The following PATL1 variants were observed in gnomAD, a reference collection of about 807,000 sequenced individuals.
PATL1 encodes the protein PAT1 homolog 1, processing body mRNA decay factor.
In PATL1, 32 loss-of-function variants were observed where a neutral mutation model predicts 100.6. The observed-to-expected ratio is 0.32, with a 90% CI of 0.24 to 0.43. The LOEUF (loss-of-function observed/expected upper bound fraction) is 0.43. PATL1 is among the 20% of genes least tolerant of loss of function. The pLI is 1.00. For missense variants in PATL1, 747 were observed against 949.9 expected (o/e 0.79, Z 2.81); for synonymous variants, 332 against 330.0 (o/e 1.01, Z -0.07).
chr11:59,666,052 C>A (rs762587050), intron 2 of PATL1, among the ~76,000 whole-genome samples: 1 of 152,012 alleles, frequency 6.6e-6, no homozygotes, highest in Non-Finnish European at 1.5e-5. Context: ...CTTTGGGAGG[C>A]CGAGATGGGC....
chr11:59,657,447 C>A, intron 5 of PATL1, 83 bp downstream of exon 5: 5 of 1,295,876 alleles, frequency 3.9e-6, no homozygotes, highest in Non-Finnish European at 5.2e-6. Context: ...AATTTCCACC[C>A]TCCACCCAAC....
Position 59,653,837 on chromosome 11 carries a change from C to T in PATL1, c.1121+146G>A, listed in dbSNP as rs1861482728. ...CTTCTTTACTCAATATTATGCTTTT[C>T]ATATTTACATGTTGATAATACATCC... On this transcript the variant is annotated intron_variant, in intron 9 of 18. Transcript: ENST00000300146. 7.7e-6 allele frequency: 5 copies of T among 649,614 alleles called. No homozygotes were observed. The Admixed American group carries it at 1.2e-4, about 15-fold the overall frequency. 40.2% of individuals were successfully genotyped at this position (649,614 alleles called of 1,614,324 possible).
intron 15 of PATL1, among the ~76,000 whole-genome samples, chr11:59,646,788 T>G (rs988011525): frequency 2.6e-5 from 4 of 152,230 alleles, no homozygotes; most frequent in Non-Finnish European, 4.4e-5. Context: ...TTCTTAAGAC[T>G]ATTCTAAATT....
At chr11:59,647,692 A>G in intron 15 of PATL1, 62 bp downstream of exon 15, 1 of 1,528,248 alleles carries the variant, frequency 6.5e-7, no homozygotes, top group Non-Finnish European at 9.0e-7. Flanking sequence ...ATAAGTTTGC[A>G]TTCTAGAAAT....
At chr11:59,656,656 C>A in intron 5 of PATL1, 56 bp from the exon 6 acceptor site, 2 of 1,446,014 alleles carry the variant, frequency 1.4e-6, no homozygotes, top group Non-Finnish European at 1.9e-6. Context: ...TTTCTTCCAC[C>A]TACACTCCCT....
intron 16 of PATL1, 67 bp from the exon 17 acceptor site, chr11:59,639,450 G>GA: frequency 8.1e-7 from 1 of 1,230,346 alleles, no homozygotes; most frequent in Non-Finnish European, 1.2e-6. Context: ...ACTGTTGAAG[G>GA]GATCCTGGCA....
chr11:59,659,590 G>A (rs1010473381), intron 2 of PATL1, 121 bp from the exon 3 acceptor site: 2 of 913,172 alleles, frequency 2.2e-6, no homozygotes, highest in Non-Finnish European at 3.2e-6. Context: ...GCAGTGCAGT[G>A]GCGTGATCTC....
At position 59,657,706 on chromosome 11, in the gene PATL1, C is replaced by A. The variant is rs945998858; in HGVS notation, c.445G>T (p.Val149Leu). 6.2e-7 allele frequency: 1 copy of A among 1,608,288 alleles called. No homozygotes were observed. Among genetic ancestry groups the A allele is most frequent in the African/African-American group, 1.3e-5 (1 of 74,784 alleles). ...CTCTGAGGCAAAGCATATTCTAATACAGACACTGTAGGCATTTCCTAATTG... is the reference window on the plus strand; with the variant it reads ...CTCTGAGGCAAAGCATATTCTAATAAAGACACTGTAGGCATTTCCTAATTG... ...LLAQEMPTVS[V>L]LEYALPQRPP... The change falls in exon 5 of 19, where the codon GTA becomes TTA. Residue 149 changes from valine (V) to leucine (L), a missense_variant. Val to Leu is a conservative substitution (Grantham distance 32). This residue lies in a region of PATL1 where 183 missense variants were observed against 221.2 expected (regional missense o/e 0.83). Coordinates refer to ENST00000300146, the MANE Select transcript of PATL1 (RefSeq NM_152716.3).
Position 59,652,863 on chromosome 11 carries a change from G to A in PATL1, c.1277C>T (p.Pro426Leu). 1 of 1,613,746 alleles carries A rather than the reference G, an allele frequency of 6.2e-7. No individual in the cohort carries two copies. The highest frequency in any genetic ancestry group is 2.2e-5 in the East Asian group (1 of 44,886). The change falls in exon 10 of 19, where the codon CCC becomes CTC. Residue 426 changes from proline to leucine, a missense_variant. Transcript: ENST00000300146. ...CTGGTAATAAAAATCATCCAGGTAGGGATCAGTGCTTTGCAGTTGCATCAT... is the reference window on the plus strand; with the variant it reads ...CTGGTAATAAAAATCATCCAGGTAGAGATCAGTGCTTTGCAGTTGCATCAT... ...IQMMQLQSTDPYLDDFYYQNY... is the reference protein window; with the variant it reads ...IQMMQLQSTDLYLDDFYYQNY...
Position 59,666,104 on chromosome 11 carries a change from G to A in PATL1, c.127+749C>T, listed in dbSNP as rs1008114473. On this transcript the variant is annotated intron_variant, in intron 2 of 18. Coordinates refer to ENST00000300146, the MANE Select transcript of PATL1 (RefSeq NM_152716.3). ...AGTTTGAGACCAGCCTGGTTAGCTC[G>A]GTGTGGTGGCGGGCACCTGTAATCC... is the stretch of plus-strand genomic sequence containing the variant. Among the ~76,000 whole-genome samples, 9 of 152,110 alleles carry A rather than the reference G, an allele frequency of 5.9e-5. 1 individual carries two copies. Among genetic ancestry groups the A allele is most frequent in the East Asian group, 3.9e-4 (2 of 5,172 alleles).
At chr11:59,638,892 A>T (rs1861231573) in intron 18 of PATL1, among the ~76,000 whole-genome samples, 156 bp downstream of exon 18, 1 of 152,134 alleles carries the variant, frequency 6.6e-6, no homozygotes, top group Non-Finnish European at 1.5e-5. Context: ...CATTTTGGTC[A>T]GGCTGGTCTG....
rs909542968 is a variant in PATL1, at chr11:59,649,516, T to C, written c.1679A>G (p.His560Arg). Reference sequence around the variant, plus strand: ...GTTGTCATACATGCTACAAATTTTGTGCTTTCTGTCATCCATTAGGGCAGG... The same window carrying C: ...GTTGTCATACATGCTACAAATTTTGCGCTTTCTGTCATCCATTAGGGCAGG... ...ERPALMDDRK[H>R]KICSMYDNLR... The change falls in exon 14 of 19, where the codon CAC becomes CGC. Residue 560 changes from histidine (H) to arginine (R), a missense_variant. Physicochemically the swap from His to Arg is conservative, Grantham distance 29 (BLOSUM62 0). Transcript: ENST00000300146. The C allele has an allele frequency of 6.2e-7, 1 of 1,613,968 alleles. No individual in the cohort carries two copies. Among genetic ancestry groups the C allele is most frequent in the Non-Finnish European group, 8.5e-7 (1 of 1,179,864 alleles).
In PATL1 at chr11:59,646,278, A is replaced by ATTTTT. The variant is rs35277057; in HGVS notation, c.1893+1471_1893+1475dup. On this transcript the variant is annotated intron_variant, in intron 15 of 18. Coordinates refer to ENST00000300146, the MANE Select transcript of PATL1 (RefSeq NM_152716.3). ...CCCTAACTCATTTTTCATTTGTGGAATTTTTTTTTTTTTTTTTTTGAGTAG... is the reference window on the plus strand; with the variant it reads ...CCCTAACTCATTTTTCATTTGTGGAATTTTTTTTTTTTTTTTTTTTTTTTGAGTAG... Among the ~76,000 whole-genome samples the ATTTTT allele has an allele frequency of 8.8e-4, 118 of 133,782 alleles. 1 individual carries two copies. The highest frequency in any genetic ancestry group is 3.2e-3 in the African/African-American group (112 of 35,018). The allele number at this position is 133,782 out of a possible 152,430, so 87.8% of individuals were successfully genotyped here. A position where few individuals can be genotyped will look rare whatever the true frequency, so the allele number is the denominator to read the frequency against.
intron 8 of PATL1, among the ~76,000 whole-genome samples, chr11:59,655,017 A>C (rs1237984133): frequency 6.6e-6 from 1 of 152,184 alleles, no homozygotes; most frequent in Non-Finnish European, 1.5e-5. Context: ...TCAAGACTGC[A>C]ACTTGAGCTT....
At chr11:59,649,100 T>A (rs992193469) in intron 14 of PATL1, among the ~76,000 whole-genome samples, 3 of 152,118 alleles carry the variant, frequency 2.0e-5, no homozygotes, top group Admixed American at 2.0e-4. Flanking sequence ...ATCTTAGTAA[T>A]AAAGGAAATA....
chr11:59,640,981 G>A (rs1040909178), intron 16 of PATL1, among the ~76,000 whole-genome samples: 2 of 152,126 alleles, frequency 1.3e-5, no homozygotes, highest in Non-Finnish European at 2.9e-5. Context: ...GGACCAGCCT[G>A]GCCAACATGG....
chr11:59,642,650 C>A, intron 16 of PATL1: 1 of 403,762 alleles, frequency 2.5e-6, no homozygotes, highest in Non-Finnish European at 4.4e-6. Context: ...AGCCTGGATC[C>A]CTGATGACTC....
chr11:59,661,244 C>T (rs1267883744), intron 2 of PATL1, among the ~76,000 whole-genome samples: 2 of 152,138 alleles, frequency 1.3e-5, no homozygotes, highest in Admixed American at 6.5e-5. Flanking sequence ...TACCACCACA[C>T]CAGGCTAATT....
At chr11:59,642,791 G>A in intron 16 of PATL1, 89 bp downstream of exon 16, 1 of 1,368,286 alleles carries the variant, frequency 7.3e-7, no homozygotes, top group Non-Finnish European at 9.8e-7. Context: ...TTTTTCCCAA[G>A]TTGCTAGAGA....
Sources: allele counts gnomAD v4.1 joint callset (sites outside exome capture counted in the v4.1 genomes callset), GRCh38; gene constraint gnomAD v4.1.1; regional missense constraint gnomAD v4.1.1; transcripts MANE v1.5; gene names NCBI Gene and HGNC (gene_info 2026-07-23, HGNC 2026-07-21).